The following SAMD12 variants were observed in gnomAD, a reference collection of about 807,000 sequenced individuals.
The protein encoded by SAMD12 is sterile alpha motif domain containing 12, also known as sterile alpha motif domain-containing protein 12.
In SAMD12, 9 loss-of-function variants were observed where a neutral mutation model predicts 15.0. The observed-to-expected ratio is 0.60, with a 90% CI of 0.36 to 1.05. The LOEUF (loss-of-function observed/expected upper bound fraction) is 1.05. Among genes scored for constraint, SAMD12 ranks in the 50% least tolerant of loss-of-function variants. SAMD12 has a pLI of 0.01. For synonymous variants in SAMD12, 86 were observed against 90.1 expected (o/e 0.96, Z 0.25); for missense variants, 230 against 234.2 (o/e 0.98, Z 0.12).
the SAMD12 span, among the ~76,000 whole-genome samples, chr8:118,142,915 G>A: frequency 6.6e-6 from 1 of 152,228 alleles, no homozygotes; most frequent in Non-Finnish European, 1.5e-5. Flanking sequence ...ACCCAGAGAT[G>A]TGTTAGAATA....
At chr8:118,401,541 C>CTTTTTT (rs3884378) in intron 3 of SAMD12, among the ~76,000 whole-genome samples, 26 of 140,246 alleles carry the variant, frequency 1.9e-4, no homozygotes, top group African/African-American at 6.6e-4. Context: ...CCTTCTTCTT[C>CTTTTTT]TTTTTTTTTT....
At chr8:118,338,691 C>T (rs1817201164) in intron 4 of SAMD12, among the ~76,000 whole-genome samples, 1 of 152,174 alleles carries the variant, frequency 6.6e-6, no homozygotes, top group African/African-American at 2.4e-5. Flanking sequence ...AAGTATTTCA[C>T]CAAGTTCTGT....
At chr8:118,394,456 C>A in intron 3 of SAMD12, among the ~76,000 whole-genome samples, 1 of 152,166 alleles carries the variant, frequency 6.6e-6, no homozygotes, top group Non-Finnish European at 1.5e-5. Flanking sequence ...AAGGGTGTAT[C>A]TTTTCATTTA....
chr8:118,356,258 A>G (rs531230510), intron 4 of SAMD12, among the ~76,000 whole-genome samples: 4 of 152,298 alleles, frequency 2.6e-5, no homozygotes, highest in East Asian at 1.9e-4. Flanking sequence ...TGGGAGGTCA[A>G]CTTAGACTCT....
At chr8:118,148,234 C>A in the SAMD12 span, among the ~76,000 whole-genome samples, 2 of 151,910 alleles carry the variant, frequency 1.3e-5, no homozygotes, top group African/African-American at 4.8e-5. Context: ...AGGCATAAGC[C>A]ACTGTGCCTG....
intron 4 of SAMD12, among the ~76,000 whole-genome samples, chr8:118,247,584 T>C (rs960500664): frequency 1.3e-5 from 2 of 151,746 alleles, no homozygotes; most frequent in African/African-American, 2.4e-5. Flanking sequence ...AAATTTTATT[T>C]ATTTATTTAT....
At chr8:118,567,760 C>T (rs1285564450) in intron 2 of SAMD12, among the ~76,000 whole-genome samples, 1 of 152,196 alleles carries the variant, frequency 6.6e-6, no homozygotes, top group Admixed American at 6.5e-5. Flanking sequence ...TTATCAGCAA[C>T]AAATAGCAGT....
the SAMD12 span, among the ~76,000 whole-genome samples, chr8:118,139,812 C>G: frequency 3.3e-5 from 5 of 152,192 alleles, no homozygotes; most frequent in African/African-American, 1.2e-4. Context: ...AAGACTGAGG[C>G]CCATTTTCCG....
At chr8:118,348,870 G>GA (rs1817808570) in intron 4 of SAMD12, among the ~76,000 whole-genome samples, 1 of 152,198 alleles carries the variant, frequency 6.6e-6, no homozygotes, top group African/African-American at 2.4e-5. Flanking sequence ...CTGGGCCGAG[G>GA]AAGCCCTGAC....
At chr8:118,344,527 ATG>A (rs1817535677) in intron 4 of SAMD12, among the ~76,000 whole-genome samples, 5 of 152,240 alleles carry the variant, frequency 3.3e-5, no homozygotes, top group African/African-American at 1.2e-4. Flanking sequence ...GAAGTGGGAT[ATG>A]AACTGGGTTT....
the SAMD12 span, among the ~76,000 whole-genome samples, chr8:118,184,019 A>T: frequency 2.0e-5 from 3 of 152,236 alleles, no homozygotes; most frequent in Non-Finnish European, 4.4e-5. Flanking sequence ...AAATGAGGTG[A>T]TGTAAAGAAT....
chr8:118,275,710 C>T (rs142854312), intron 4 of SAMD12, among the ~76,000 whole-genome samples: 1 of 152,252 alleles, frequency 6.6e-6, no homozygotes, highest in Non-Finnish European at 1.5e-5. Context: ...GACCCCATCC[C>T]TCTCTCTCCT....
At chr8:118,600,994 C>T (rs1044085954) in intron 1 of SAMD12, among the ~76,000 whole-genome samples, 3 of 152,052 alleles carry the variant, frequency 2.0e-5, no homozygotes, top group African/African-American at 4.8e-5. Flanking sequence ...CAGAACATAA[C>T]CACAGTCAAC....
intron 4 of SAMD12, among the ~76,000 whole-genome samples, chr8:118,289,816 A>G (rs1026392979): frequency 5.3e-5 from 8 of 152,240 alleles, no homozygotes; most frequent in Admixed American, 2.0e-4. Context: ...TGCTTTATTA[A>G]GTCCCCAACT....
chr8:118,580,962 T>G (rs940376739), intron 1 of SAMD12, 69 bp from the exon 2 acceptor site: 2 of 1,261,464 alleles, frequency 1.6e-6, no homozygotes, highest in Admixed American at 4.5e-5. Context: ...ACAGAAAATA[T>G]TCATCAAGCC....
At chr8:118,482,464 ATAT>A (rs1207608957) in intron 2 of SAMD12, among the ~76,000 whole-genome samples, 2 of 150,070 alleles carry the variant, frequency 1.3e-5, no homozygotes, top group East Asian at 3.9e-4. Flanking sequence ...CGGGAAATAT[ATAT>A]TTTTTTTAAA....
chr8:118,621,648 C>A, intron 1 of SAMD12, 156 bp downstream of exon 1: 5 of 776,570 alleles, frequency 6.4e-6, no homozygotes, highest in South Asian at 4.7e-5. Flanking sequence ...CTGGCCTTGG[C>A]GGCGCAGGTG....
At chr8:118,521,209 A>G (rs1016978362) in intron 2 of SAMD12, among the ~76,000 whole-genome samples, 2 of 152,142 alleles carry the variant, frequency 1.3e-5, no homozygotes, top group African/African-American at 2.4e-5. Context: ...ATTTCTAAAC[A>G]TCCATCATCC....
intron 4 of SAMD12, among the ~76,000 whole-genome samples, chr8:118,255,249 TC>T (rs1264296045): frequency 6.6e-6 from 1 of 152,064 alleles, no homozygotes; most frequent in Non-Finnish European, 1.5e-5. Flanking sequence ...TAAGGTATGC[TC>T]CATTCCCTCC....
Sources: gnomAD v4.1 joint callset for allele counts (sites outside exome capture counted in the v4.1 genomes callset) on GRCh38, gnomAD v4.1.1 for gene constraint, MANE v1.5 for transcripts, NCBI Gene and HGNC (gene_info 2026-07-23, HGNC 2026-07-21) for gene names.